The following ARHGAP8 variants were observed in gnomAD, a reference collection of about 807,000 sequenced individuals.
ARHGAP8 encodes rho GTPase-activating protein 8.
Under a neutral mutation model 46.1 loss-of-function variants are expected in ARHGAP8, and 62 were observed. The observed-to-expected ratio is 1.34, with a 90% confidence interval of 1.10 to 1.66. ARHGAP8 has a LOEUF of 1.66. ARHGAP8 is among the 40% of genes most tolerant of loss of function. ARHGAP8 has a pLI of 0.00. For synonymous variants in ARHGAP8, 375 were observed against 243.1 expected, an observed-to-expected ratio of 1.54 and a Z score of -5.05; for missense variants, 923 against 568.4, an observed-to-expected ratio of 1.62 and a Z score of -6.34.
chr22:44,842,961 G>C (rs1931749186), intron 7 of ARHGAP8, among the ~76,000 whole-genome samples: 2 of 152,188 alleles, frequency 1.3e-5, no homozygotes, highest in African/African-American at 4.8e-5. Flanking sequence ...GAGAATGTAT[G>C]CCATGGGCTA....
intron 1 of ARHGAP8, among the ~76,000 whole-genome samples, chr22:44,767,480 C>A (rs978752174): frequency 6.6e-6 from 1 of 152,100 alleles, no homozygotes; most frequent in African/African-American, 2.4e-5. Context: ...AAGAAAATTA[C>A]CAGCAATTCC....
intron 2 of ARHGAP8, among the ~76,000 whole-genome samples, chr22:44,796,972 G>A (rs5765024): frequency 6.6e-6 from 1 of 152,296 alleles, no homozygotes; most frequent in East Asian, 1.9e-4. Context: ...TAGATGATGG[G>A]TGTGGCTGCC....
At chr22:44,860,576 C>T (rs905976721) in intron 11 of ARHGAP8, among the ~76,000 whole-genome samples, 2 of 152,016 alleles carry the variant, frequency 1.3e-5, no homozygotes, top group African/African-American at 4.8e-5. Context: ...GGCCCTCGTT[C>T]CAAATAAGGT....
intron 4 of ARHGAP8, among the ~76,000 whole-genome samples, chr22:44,811,111 AG>A (rs1402783846): frequency 2.6e-5 from 4 of 152,214 alleles, no homozygotes; most frequent in Non-Finnish European, 5.9e-5. Flanking sequence ...TAATCAGCCC[AG>A]GGTGCTTTCC....
intron 4 of ARHGAP8, among the ~76,000 whole-genome samples, chr22:44,810,136 A>G (rs1346720605): frequency 6.6e-6 from 1 of 151,294 alleles, no homozygotes. Flanking sequence ...CCTAGCTAGC[A>G]CTTAGGGGTT....
chr22:44,793,168 G>A (rs146615623), intron 2 of ARHGAP8, among the ~76,000 whole-genome samples: 5 of 152,228 alleles, frequency 3.3e-5, no homozygotes, highest in Admixed American at 6.5e-5. Flanking sequence ...CTTAAGAAGT[G>A]GTCATTGTGG....
At chr22:44,830,787 T>TGC (rs1930892367) in intron 7 of ARHGAP8, among the ~76,000 whole-genome samples, 1 of 151,700 alleles carries the variant, frequency 6.6e-6, no homozygotes, top group Admixed American at 6.6e-5. Flanking sequence ...GATCCACCCA[T>TGC]CTCGGCCTCC....
chr22:44,791,703 T>C (rs1927701470), intron 2 of ARHGAP8, among the ~76,000 whole-genome samples: 2 of 151,944 alleles, frequency 1.3e-5, no homozygotes, highest in Non-Finnish European at 2.9e-5. Flanking sequence ...AAACTCCATC[T>C]CAAAAAACAA....
chr22:44,775,221 A>AT (rs1297772232), intron 1 of ARHGAP8, among the ~76,000 whole-genome samples: 6 of 152,076 alleles, frequency 3.9e-5, no homozygotes, highest in Non-Finnish European at 2.9e-5. Flanking sequence ...AGCACTCTGA[A>AT]TTTTTCATAC....
chr22:44,802,318 C>G (rs778590600), intron 3 of ARHGAP8, among the ~76,000 whole-genome samples, 154 bp downstream of exon 3: 4 of 152,180 alleles, frequency 2.6e-5, no homozygotes, highest in African/African-American at 9.7e-5. Flanking sequence ...TGAGCCTACC[C>G]GAGGGCCAAC....
chr22:44,801,817 A>C, intron 2 of ARHGAP8: 1 of 523,780 alleles, frequency 1.9e-6, no homozygotes, highest in Non-Finnish European at 3.4e-6. Flanking sequence ...TGATGACTTA[A>C]CCCTGCTGGG....
intron 7 of ARHGAP8, among the ~76,000 whole-genome samples, chr22:44,837,949 C>T (rs1602246810): frequency 6.6e-6 from 1 of 152,086 alleles, no homozygotes; most frequent in Non-Finnish European, 1.5e-5. Context: ...CTCAGAGTCT[C>T]TTCCTGCTCT....
intron 8 of ARHGAP8, among the ~76,000 whole-genome samples, chr22:44,847,680 A>T (rs1275853233): frequency 6.6e-6 from 1 of 152,166 alleles, no homozygotes; most frequent in Non-Finnish European, 1.5e-5. Flanking sequence ...TAAACAAGGC[A>T]GATAGGCTCA....
intron 8 of ARHGAP8, among the ~76,000 whole-genome samples, chr22:44,847,506 C>G (rs1213659475): frequency 2.0e-5 from 3 of 152,078 alleles, no homozygotes; most frequent in Non-Finnish European, 4.4e-5. Flanking sequence ...AAGTTAAATC[C>G]CCATGTGCAG....
rs898769451 is a variant in ARHGAP8 at position 44,862,739 on chromosome 22, T to C, written c.*144T>C. ...ATGAAAACTCCATGCCTCTGGTCCT[T>C]GGACTCTTGTCCATGGTTCCTGAGC... is the stretch of plus-strand genomic sequence containing the variant. On this transcript the variant is annotated 3_prime_UTR_variant, in exon 12 of 12. Coordinates refer to ENST00000356099, the MANE Select transcript of ARHGAP8 (RefSeq NM_181335.3). The C allele has an allele frequency of 9.0e-6, 9 of 999,144 alleles. No homozygotes were observed. Among genetic ancestry groups the C allele is most frequent in the Non-Finnish European group, 1.1e-5 (8 of 715,614 alleles). 61.9% of individuals were successfully genotyped at this position (999,144 alleles called of 1,614,324 possible). A position where few individuals can be genotyped will look rare whatever the true frequency, so the allele number is the denominator to read the frequency against.
intron 10 of ARHGAP8, among the ~76,000 whole-genome samples, chr22:44,853,684 C>G (rs375887782): frequency 6.6e-6 from 1 of 152,144 alleles, no homozygotes. Context: ...AATAAGGAAT[C>G]TCAGATTCAC....
intron 4 of ARHGAP8, among the ~76,000 whole-genome samples, chr22:44,813,995 G>A (rs1360829742): frequency 6.6e-6 from 1 of 152,176 alleles, no homozygotes; most frequent in Non-Finnish European, 1.5e-5. Context: ...CTCCTGGGCT[G>A]TGTCTCCCCA....
rs1930607415 is a variant in ARHGAP8 at position 44,827,351 on chromosome 22, T to G, written c.596+1758T>G. Among the ~76,000 whole-genome samples the G allele has an allele frequency of 2.3e-5, 3 of 130,022 alleles. No homozygotes were observed. In the South Asian group the frequency reaches 8.3e-4, roughly 36 times the overall value. 85.3% of individuals were successfully genotyped at this position (130,022 alleles called of 152,430 possible). A position where few individuals can be genotyped will look rare whatever the true frequency, so the allele number is the denominator to read the frequency against. ...TTGGGTGGTGGTTTTTTTTTTTTTT[T>G]TTTTTTTTTTTGAGACAGTCTCGCT... On this transcript the variant is annotated intron_variant, in intron 7 of 11. Coordinates refer to ENST00000356099, the MANE Select transcript of ARHGAP8 (RefSeq NM_181335.3).
intron 1 of ARHGAP8, among the ~76,000 whole-genome samples, chr22:44,763,042 C>G (rs978277432): frequency 2.0e-5 from 3 of 152,094 alleles, no homozygotes; most frequent in African/African-American, 7.2e-5. Context: ...AGTGATTTAT[C>G]CAATGACGCC....
Sources: allele counts gnomAD v4.1 joint callset (sites outside exome capture counted in the v4.1 genomes callset), GRCh38; gene constraint gnomAD v4.1.1; transcripts MANE v1.5; gene names NCBI Gene and HGNC (gene_info 2026-07-23, HGNC 2026-07-21).